Variants in VEGFA observed in about 807,000 individuals in gnomAD.
VEGFA encodes vascular endothelial growth factor A, long form.
VEGFA carries 20 observed loss-of-function variants against 49.7 expected under a neutral mutation model. The observed-to-expected ratio is 0.40, with a 90% confidence interval of 0.28 to 0.58. The LOEUF (loss-of-function observed/expected upper bound fraction) is 0.58. VEGFA is among the 20% of genes least tolerant of loss of function. The probability of loss-of-function intolerance (pLI) is 0.40; values close to 1 mark genes in which losing one functional copy is unlikely to be tolerated. For missense variants in VEGFA, 505 were observed against 553.5 expected (o/e 0.91, Z 0.88); for synonymous variants, 219 against 223.4 (o/e 0.98, Z 0.18).
intron 5 of VEGFA, 197 bp downstream of exon 5, chr6:43,779,115 G>T: frequency 3.0e-6 from 2 of 677,852 alleles, no homozygotes; most frequent in South Asian, 3.6e-5. Context: ...AGAAAACATA[G>T]CCAGGAGCCT....
intron 4 of VEGFA, 44 bp downstream of exon 4, chr6:43,778,580 G>C (rs367878477): frequency 2.5e-6 from 4 of 1,585,892 alleles, no homozygotes; most frequent in South Asian, 1.1e-5. Flanking sequence ...GTGGCTGCAG[G>C]GTGCCTGATC....
intron 1 of VEGFA, chr6:43,772,190 C>T (rs758034793): frequency 1.1e-5 from 5 of 459,732 alleles, no homozygotes; most frequent in Non-Finnish European, 1.4e-5. Flanking sequence ...GGAGGAATTT[C>T]CTGACGCCCC....
intron 1 of VEGFA, among the ~76,000 whole-genome samples, chr6:43,771,834 G>A (rs932053051): frequency 1.3e-5 from 2 of 152,190 alleles, no homozygotes; most frequent in Non-Finnish European, 2.9e-5. Context: ...CGCGAGTTTG[G>A]GAAAAGTTTT....
rs1388550816 is a variant in VEGFA at position 43,770,671 on chromosome 6, C to T, written c.-36C>T. The T allele has an allele frequency of 2.6e-6, 4 of 1,531,890 alleles. No individual in the cohort carries two copies. Among genetic ancestry groups the T allele is most frequent in the African/African-American group, 1.4e-5 (1 of 70,314 alleles). 94.9% of individuals were successfully genotyped at this position (1,531,890 alleles called of 1,614,324 possible). On this transcript the variant is annotated 5_prime_UTR_variant, in exon 1 of 8. Coordinates refer to ENST00000672860, the MANE Select transcript of VEGFA (RefSeq NM_003376.6). ...GGTGACCGCCGGAGCGCGGCGTGAG[C>T]CCTCCCCCTTGGGATCCCGCAGCTG...
rs556055999 is a variant in VEGFA, at chr6:43,770,685, A to G, written c.-22A>G. 2.1e-5 allele frequency: 32 copies of G among 1,541,000 alleles called. No individual in the cohort carries two copies. In the African/African-American group the frequency reaches 3.5e-4, roughly 17 times the overall value. ...CGCGGCGTGAGCCCTCCCCCTTGGGATCCCGCAGCTGACCAGTCGCGCTGA... is the reference window on the plus strand; with the variant it reads ...CGCGGCGTGAGCCCTCCCCCTTGGGGTCCCGCAGCTGACCAGTCGCGCTGA... On this transcript the variant is annotated 5_prime_UTR_variant, in exon 1 of 8. Coordinates refer to ENST00000672860, the MANE Select transcript of VEGFA (RefSeq NM_003376.6).
At chr6:43,780,457 G>A (rs974122545) in intron 5 of VEGFA, 32 of 494,120 alleles carry the variant, frequency 6.5e-5, no homozygotes, top group Admixed American at 3.5e-4. Flanking sequence ...ACCCAGTCTC[G>A]GCTTCCCACC....
intron 5 of VEGFA, 82 bp from the exon 6 acceptor site, chr6:43,780,650 C>CCCCAA: frequency 1.3e-6 from 2 of 1,568,422 alleles, no homozygotes; most frequent in Non-Finnish European, 1.7e-6. Flanking sequence ...TGGTCGTTCC[C>CCCCAA]CCATCCCTGC....
At chr6:43,781,147 T>C (rs1393551952) in intron 6 of VEGFA, 6 of 526,708 alleles carry the variant, frequency 1.1e-5, no homozygotes, top group Non-Finnish European at 1.7e-5. Context: ...CCCAACTGGT[T>C]TCCATTGCTC....
chr6:43,770,583 G>A lies in VEGFA; in HGVS notation c.-124G>A. The A allele has an allele frequency of 7.1e-7, 1 of 1,405,416 alleles. No homozygotes were observed. The highest frequency in any genetic ancestry group is 1.5e-5 in the African/African-American group (1 of 66,698). 87.1% of individuals were successfully genotyped at this position (1,405,416 alleles called of 1,614,324 possible). ...CGAGGAAGAGAGAGACGGGGTCAGA[G>A]AGAGCGCGCGGGCGTGCGAGCAGCG... On this transcript the variant is annotated 5_prime_UTR_variant, in exon 1 of 8. Coordinates refer to ENST00000672860, the MANE Select transcript of VEGFA (RefSeq NM_003376.6).
At chr6:43,780,990 G>A in intron 6 of VEGFA, 187 bp downstream of exon 6, 2 of 1,443,116 alleles carry the variant, frequency 1.4e-6, no homozygotes, top group South Asian at 2.4e-5. Flanking sequence ...ATTTGGTGGT[G>A]GCATTGCTGG....
intron 7 of VEGFA, 48 bp from the exon 8 acceptor site, chr6:43,784,493 C>T (rs529078288): frequency 1.2e-6 from 2 of 1,600,766 alleles, no homozygotes; most frequent in African/African-American, 1.3e-5. Flanking sequence ...CATCGCCAGG[C>T]CTCCTCACTT....
rs1764595007 is a variant in VEGFA at position 43,774,303 on chromosome 6, C to T, written c.607-38C>T. 8.1e-6 allele frequency: 13 copies of T among 1,612,554 alleles called. No homozygotes were observed. In the South Asian group the frequency reaches 1.1e-4, roughly 14 times the overall value. On this transcript the variant is annotated intron_variant, in intron 1 of 7. Transcript: ENST00000672860. ...TGGCTGGGCCTGTGCACCCCAGCCC[C>T]TGCCCATGCCCATGCCTTGCTCTCT...
At position 43,778,467 on chromosome 6, in the gene VEGFA, G is replaced by A. The variant is rs367757959; in HGVS notation, c.863G>A (p.Arg288Gln). 17 of 1,613,928 alleles carry A rather than the reference G, an allele frequency of 1.1e-5. No homozygotes were observed. Among genetic ancestry groups the A allele is most frequent in the Non-Finnish European group, 1.4e-5 (17 of 1,179,960 alleles). Residue 288 changes from arginine to glutamine, a missense_variant, in exon 4 of 8, where the codon CGG (arginine) becomes CAG (glutamine). Coordinates refer to ENST00000672860, the MANE Select transcript of VEGFA (RefSeq NM_003376.6). Reference sequence around the variant, plus strand: ...TGCTTCCTTCCTTTCCAGATTATGCGGATCAAACCTCACCAAGGCCAGCAC... The same window carrying A: ...TGCTTCCTTCCTTTCCAGATTATGCAGATCAAACCTCACCAAGGCCAGCAC...
chr6:43,777,770 C>G lies in VEGFA; in HGVS notation c.855+105C>G. 1 of 1,282,512 alleles carries G rather than the reference C, an allele frequency of 7.8e-7. No homozygotes were observed. Among genetic ancestry groups the G allele is most frequent in the African/African-American group, 1.5e-5 (1 of 68,324 alleles). 79.4% of individuals were successfully genotyped at this position (1,282,512 alleles called of 1,614,324 possible). A position where few individuals can be genotyped will look rare whatever the true frequency, so the allele number is the denominator to read the frequency against. On this transcript the variant is annotated intron_variant, in intron 3 of 7. Coordinates refer to ENST00000672860, the MANE Select transcript of VEGFA (RefSeq NM_003376.6). The surrounding 1 kb of genome is among the most constrained non-coding windows in gnomAD (Gnocchi z 4.3). ...TCCTGGCTAGATTTGCCTTGTCTGG[C>G]TCCTGCCCCTGAGTTGCACAGGGGA...
chr6:43,771,277 A>C lies in VEGFA; in HGVS notation c.571A>C (p.Ser191Arg). The change falls in exon 1 of 8, where the codon AGC becomes CGC. Residue 191 changes from serine to arginine, a missense_variant. Physicochemically the swap from Ser to Arg is moderately radical, Grantham distance 110. Around this residue, in one of 2 missense-constraint regions of VEGFA, gnomAD observed 340 missense variants for 321.8 expected, o/e 1.06. Transcript: ENST00000672860. The stretch of plus-strand genomic sequence containing the variant: ...CTTTCTGCTGTCTTGGGTGCATTGG[A>C]GCCTTGCCTTGCTGCTCTACCTCCA... The C allele has an allele frequency of 3.1e-6, 5 of 1,606,836 alleles. No homozygotes were observed. In the South Asian group the frequency reaches 5.5e-5, roughly 18 times the overall value.
Position 43,777,520 on chromosome 6 carries a change from C to T in VEGFA, c.710C>T (p.Thr237Ile), listed in dbSNP as rs1582497910. 6 of 1,614,182 alleles carry T rather than the reference C, an allele frequency of 3.7e-6. No individual in the cohort carries two copies. The highest frequency in any genetic ancestry group is 4.2e-6 in the Non-Finnish European group (5 of 1,180,048). ...CGCAGCTACTGCCATCCAATCGAGA[C>T]CCTGGTGGACATCTTCCAGGAGTAC... The change falls in exon 3 of 8, where the codon ACC (threonine) becomes ATC (isoleucine). Residue 237 changes from threonine to isoleucine, a missense_variant. By Grantham distance (89) the Thr-to-Ile change is moderately conservative (BLOSUM62 -1). Around this residue, in one of 2 missense-constraint regions of VEGFA, gnomAD observed 165 missense variants for 231.7 expected, o/e 0.71. Transcript: ENST00000672860. This position sits in a 1 kb window ranked among gnomAD's most constrained non-coding sequence, Gnocchi z 4.3.
In VEGFA at chr6:43,781,988, ATTTG is replaced by A. The variant is rs755042290; in HGVS notation, c.1073_1076del (p.Phe358TyrfsTer25). The A allele has an allele frequency of 1.2e-6, 2 of 1,613,904 alleles. No individual in the cohort carries two copies. Among genetic ancestry groups the A allele is most frequent in the African/African-American group, 2.7e-5 (2 of 74,902 alleles). Reference sequence around the variant, plus strand: ...GGGCCTTGCTCAGAGCGGAGAAAGCATTTGTTTGTACAAGATCCGCAGACGTGTA... The same window carrying A: ...GGGCCTTGCTCAGAGCGGAGAAAGCATTTGTACAAGATCCGCAGACGTGTA... On this transcript the variant is annotated frameshift_variant, in exon 7 of 8. Transcript: ENST00000672860. LOFTEE classifies it high-confidence loss of function.
chr6:43,780,740 T>C lies in VEGFA; in HGVS notation c.971T>C (p.Val324Ala). The C allele has an allele frequency of 1.2e-6, 2 of 1,611,838 alleles. No homozygotes were observed. Among genetic ancestry groups the C allele is most frequent in the African/African-American group, 1.3e-5 (1 of 74,488 alleles). The stretch of plus-strand genomic sequence containing the variant: ...GTTTTTTTATTTTCCAGAAAATCAG[T>C]TCGAGGAAAGGGAAAGGGGCAAAAA... Residue 324 changes from valine to alanine, a missense_variant, in exon 6 of 8, where the codon GTT becomes GCT. Coordinates refer to ENST00000672860, the MANE Select transcript of VEGFA (RefSeq NM_003376.6).
intron 1 of VEGFA, 132 bp from the exon 2 acceptor site, chr6:43,774,209 C>T (rs561468547): frequency 2.8e-5 from 26 of 922,642 alleles, no homozygotes; most frequent in South Asian, 1.4e-4. Context: ...GTGTCCTGTT[C>T]GACTCAGAAG....
Sources: allele counts gnomAD v4.1 joint callset (sites outside exome capture counted in the v4.1 genomes callset), GRCh38; gene constraint gnomAD v4.1.1; regional missense constraint gnomAD v4.1.1; non-coding constraint Gnocchi (gnomAD v3.1); transcripts MANE v1.5; gene names NCBI Gene and HGNC (gene_info 2026-07-23, HGNC 2026-07-21).